Variants in FGF14 observed in about 807,000 individuals in gnomAD.
FGF14 encodes fibroblast growth factor 14.
In FGF14, 5 loss-of-function variants were observed where a neutral mutation model predicts 25.5. That is an observed-to-expected ratio of 0.20 (90% CI 0.10 to 0.41). FGF14 has a LOEUF of 0.41. Ranked by LOEUF, FGF14 falls within the 10% of genes least tolerant of loss-of-function variation. FGF14 has a pLI of 1.00. For missense variants in FGF14, 222 were observed against 320.1 expected (o/e 0.69, Z 2.34); for synonymous variants, 138 against 118.3 (o/e 1.17, Z -1.08).
intron 1 of FGF14, among the ~76,000 whole-genome samples, chr13:102,275,426 A>G: frequency 6.6e-6 from 1 of 152,144 alleles, no homozygotes; most frequent in East Asian, 1.9e-4. Context: ...ACAACCTCTG[A>G]AAATTTGTAT....
chr13:102,295,095 G>A (rs975751505), intron 1 of FGF14, among the ~76,000 whole-genome samples: 4 of 152,112 alleles, frequency 2.6e-5, no homozygotes. Context: ...ACCCATAGGA[G>A]TTTAAAACCA....
intron 1 of FGF14, among the ~76,000 whole-genome samples, chr13:102,303,429 T>C (rs2055187105): frequency 6.6e-6 from 1 of 152,188 alleles, no homozygotes; most frequent in African/African-American, 2.4e-5. Context: ...TTCAGTTCTG[T>C]TTCACAGATT....
intron 1 of FGF14, among the ~76,000 whole-genome samples, chr13:101,952,553 G>A (rs989814256): frequency 6.6e-6 from 1 of 152,038 alleles, no homozygotes; most frequent in Admixed American, 6.6e-5. Context: ...TAACTTTCCT[G>A]TGGCTGTTTC....
At chr13:102,037,232 T>A (rs1327839080) in intron 1 of FGF14, among the ~76,000 whole-genome samples, 1 of 152,108 alleles carries the variant, frequency 6.6e-6, no homozygotes, top group Non-Finnish European at 1.5e-5. Flanking sequence ...AACTTAGTGG[T>A]TTTAATCTAC....
At chr13:101,964,448 A>G (rs1252397093) in intron 1 of FGF14, among the ~76,000 whole-genome samples, 2 of 152,244 alleles carry the variant, frequency 1.3e-5, no homozygotes, top group African/African-American at 4.8e-5. Flanking sequence ...CCAGCCCATG[A>G]AGAACAGCCT....
chr13:101,759,090 T>C (rs1044064140), intron 3 of FGF14, among the ~76,000 whole-genome samples: 1 of 152,148 alleles, frequency 6.6e-6, no homozygotes, highest in Non-Finnish European at 1.5e-5. Flanking sequence ...CTGCACAGAG[T>C]TATCGTGAGT....
chr13:102,280,712 C>CGTG (rs2053787397), intron 1 of FGF14, among the ~76,000 whole-genome samples: 1 of 151,960 alleles, frequency 6.6e-6, no homozygotes, highest in African/African-American at 2.4e-5. Context: ...TTGGAGTATG[C>CGTG]ATGAGATAAA....
At chr13:102,147,035 T>C (rs1018560842) in intron 1 of FGF14, among the ~76,000 whole-genome samples, 5 of 152,206 alleles carry the variant, frequency 3.3e-5, no homozygotes, top group Non-Finnish European at 7.3e-5. Context: ...GCTCTTTTAA[T>C]AAATAAATAG....
chr13:102,262,715 T>A (rs995788349), intron 1 of FGF14, among the ~76,000 whole-genome samples: 3 of 152,164 alleles, frequency 2.0e-5, no homozygotes, highest in Non-Finnish European at 4.4e-5. Context: ...AATAACACAC[T>A]TTCACTGATA....
chr13:102,334,191 G>C (rs1293920887), intron 1 of FGF14, among the ~76,000 whole-genome samples: 1 of 152,168 alleles, frequency 6.6e-6, no homozygotes, highest in Non-Finnish European at 1.5e-5. Context: ...GTTCAATCAA[G>C]TCATGGATTG....
At chr13:101,912,764 A>G (rs958243553) in intron 1 of FGF14, among the ~76,000 whole-genome samples, 11 of 152,164 alleles carry the variant, frequency 7.2e-5, no homozygotes, top group African/African-American at 2.4e-4. Flanking sequence ...AAGGTATAAA[A>G]TTTGAAAAGT....
chr13:101,836,575 G>A (rs72662409), intron 3 of FGF14, among the ~76,000 whole-genome samples: 15 of 152,056 alleles, frequency 9.9e-5, no homozygotes, highest in African/African-American at 1.7e-4. Context: ...ATTCATCCTC[G>A]TATATCTAAC....
At chr13:102,219,687 G>C (rs552846288) in intron 1 of FGF14, among the ~76,000 whole-genome samples, 27 of 152,218 alleles carry the variant, frequency 1.8e-4, no homozygotes, top group African/African-American at 6.5e-4. Flanking sequence ...TATATCTCAA[G>C]CCCCAATTCA....
At chr13:101,727,701 AG>A (rs1272963611) in intron 3 of FGF14, among the ~76,000 whole-genome samples, 1 of 152,168 alleles carries the variant, frequency 6.6e-6, no homozygotes, top group Non-Finnish European at 1.5e-5. Context: ...AAAATTAATA[AG>A]GGTACAATCT....
At chr13:102,300,940 C>CAT (rs1566917206) in intron 1 of FGF14, among the ~76,000 whole-genome samples, 6 of 98,520 alleles carry the variant, frequency 6.1e-5, no homozygotes, top group Admixed American at 2.0e-4. Context: ...CACACACATA[C>CAT]ACACACACAC....
At chr13:102,249,218 T>A (rs1011999764) in intron 1 of FGF14, among the ~76,000 whole-genome samples, 1 of 152,142 alleles carries the variant, frequency 6.6e-6, no homozygotes, top group Non-Finnish European at 1.5e-5. Context: ...TGGGAGTTTA[T>A]CCCTGTTACT....
intron 1 of FGF14, among the ~76,000 whole-genome samples, chr13:102,244,941 A>G (rs1488554863): frequency 6.6e-6 from 1 of 152,114 alleles, no homozygotes; most frequent in Non-Finnish European, 1.5e-5. Context: ...AAGGTAGTAG[A>G]AAAAACATCA....
intron 1 of FGF14, among the ~76,000 whole-genome samples, chr13:101,886,796 TAAC>T (rs2046009855): frequency 6.6e-6 from 1 of 152,116 alleles, no homozygotes; most frequent in African/African-American, 2.4e-5. Context: ...ACTATCTATC[TAAC>T]AAGGGATTAA....
chr13:102,125,219 C>A (rs1338573958), intron 1 of FGF14, among the ~76,000 whole-genome samples: 1 of 152,122 alleles, frequency 6.6e-6, no homozygotes, highest in East Asian at 1.9e-4. Flanking sequence ...GGTTATCAAG[C>A]TAGTTCTCCA....
Sources: allele counts gnomAD v4.1 joint callset (sites outside exome capture counted in the v4.1 genomes callset), GRCh38; gene constraint gnomAD v4.1.1; transcripts MANE v1.5; gene names NCBI Gene and HGNC (gene_info 2026-07-23, HGNC 2026-07-21).